The following DST variants were observed in gnomAD, a reference collection of about 807,000 sequenced individuals.
The protein encoded by DST is dystonin, also known as bullous pemphigoid antigen.
DST carries 253 observed loss-of-function variants against 875.2 expected under a neutral mutation model. The observed-to-expected ratio is 0.29, with a 90% CI of 0.26 to 0.32. The LOEUF (loss-of-function observed/expected upper bound fraction) is 0.32. Among genes scored for constraint, DST ranks in the 10% least tolerant of loss-of-function variants. The pLI is 1.00. For missense variants in DST, 8,287 were observed against 9,111.6 expected (o/e 0.91, Z 3.68); for synonymous variants, 3,124 against 3,197.1 (o/e 0.98, Z 0.77).
At position 56,470,232 on chromosome 6, in the gene DST, T is replaced by C; in HGVS notation, c.22372A>G (p.Arg7458Gly). The change falls in exon 96 of 104, where the codon AGA (arginine) becomes GGA (glycine). Residue 7458 changes from arginine to glycine, a missense_variant. Transcript: ENST00000680361. Reference protein sequence around the residue: ...EMSAVADIFDRDGDGYIDYYE... With the variant: ...EMSAVADIFDGDGDGYIDYYE... ...TAGTCAATATATCCATCGCCATCTCTGTCAAAGATGTCTGCAACTGCGCTC... is the reference window on the plus strand; with the variant it reads ...TAGTCAATATATCCATCGCCATCTCCGTCAAAGATGTCTGCAACTGCGCTC... The C allele has an allele frequency of 2.5e-6, 4 of 1,611,310 alleles. No individual in the cohort carries two copies. Among genetic ancestry groups the C allele is most frequent in the Non-Finnish European group, 3.4e-6 (4 of 1,178,580 alleles).
At chr6:56,668,908 AAAGG>A (rs757631335) in intron 10 of DST, among the ~76,000 whole-genome samples, 8 of 152,034 alleles carry the variant, frequency 5.3e-5, no homozygotes, top group Non-Finnish European at 1.2e-4. Context: ...AAGAGAAGTG[AAAGG>A]AAGGAAGAAA....
intron 4 of DST, among the ~76,000 whole-genome samples, chr6:56,822,221 G>A (rs952838551): frequency 3.9e-5 from 6 of 152,034 alleles, no homozygotes; most frequent in African/African-American, 1.4e-4. Context: ...CAGTTTTGGG[G>A]CAATAAACAA....
At chr6:56,572,369 T>C in intron 52 of DST, 103 bp from the exon 53 acceptor site, 1 of 703,310 alleles carries the variant, frequency 1.4e-6, no homozygotes, top group Non-Finnish European at 2.1e-6. Context: ...TATTCATAAT[T>C]TCACATAAGA....
chr6:56,908,697 A>G (rs1903331), intron 2 of DST, among the ~76,000 whole-genome samples: 32,586 of 152,050 alleles, frequency 0.21, 3,781 homozygotes, highest in Middle Eastern at 0.26. Flanking sequence ...ATGAGATAGG[A>G]GGTTGGCACA....
Position 56,605,203 on chromosome 6 carries a change from T to A in DST, c.9425A>T (p.Asp3142Val). ...VQFENLEEIFDTSVSKEISDD... is the reference protein window; with the variant it reads ...VQFENLEEIFVTSVSKEISDD... ...ACTAATCTCTTTGGAAACTGATGTG[T>A]CAAAAATTTCTTCAAGATTCTCAAA... is the stretch of plus-strand genomic sequence containing the variant. The change falls in exon 40 of 104, where the codon GAC becomes GTC. Residue 3142 changes from aspartate to valine, a missense_variant. Physicochemically the swap from Asp to Val is radical, Grantham distance 152. Around this residue, in one of 10 missense-constraint regions of DST, gnomAD observed 3,138 missense variants for 3,116.6 expected, o/e 1.01. Coordinates refer to ENST00000680361, the MANE Select transcript of DST (RefSeq NM_001374736.1). 1 of 1,611,870 alleles carries A rather than the reference T, an allele frequency of 6.2e-7. No individual in the cohort carries two copies. The highest frequency in any genetic ancestry group is 8.5e-7 in the Non-Finnish European group (1 of 1,178,844).
intron 3 of DST, among the ~76,000 whole-genome samples, chr6:56,855,256 AC>A (rs1767284029): frequency 6.6e-6 from 1 of 152,228 alleles, no homozygotes; most frequent in Non-Finnish European, 1.5e-5. Flanking sequence ...TTTTACATAG[AC>A]TAATTAATAT....
chr6:56,660,140 C>G (rs1385511585), intron 10 of DST, among the ~76,000 whole-genome samples: 1 of 152,138 alleles, frequency 6.6e-6, no homozygotes, highest in Non-Finnish European at 1.5e-5. Flanking sequence ...CTGGCCAGAA[C>G]CATTTGAGGC....
At chr6:56,642,531 G>A in intron 15 of DST, 28 bp from the exon 16 acceptor site, 1 of 1,608,540 alleles carries the variant, frequency 6.2e-7, no homozygotes, top group South Asian at 1.1e-5. Flanking sequence ...ATAAAATAAA[G>A]CTTCTCCCTT....
At chr6:56,640,626 G>A (rs377165321) in intron 17 of DST, 21 bp from the exon 18 acceptor site, 1 of 1,586,456 alleles carries the variant, frequency 6.3e-7, no homozygotes, top group South Asian at 1.1e-5. Flanking sequence ...AATCCAAAGG[G>A]ATAAGGTGAA....
chr6:56,506,662 T>G lies in DST; in HGVS notation c.19362+5A>C, dbSNP rs191062687. 1 of 1,613,386 alleles carries G rather than the reference T, an allele frequency of 6.2e-7. No homozygotes were observed. Among genetic ancestry groups the G allele is most frequent in the Non-Finnish European group, 8.5e-7 (1 of 1,179,654 alleles). Reference sequence around the variant, plus strand: ...AAGCCATTCTGATAAGTAAGCCAGTTGTACCTCATCTATACTCTTCTTGAC... The same window carrying G: ...AAGCCATTCTGATAAGTAAGCCAGTGGTACCTCATCTATACTCTTCTTGAC... On this transcript the variant is annotated splice_donor_5th_base_variant and intron_variant, in intron 76 of 103. Transcript: ENST00000680361.
chr6:56,575,807 T>G (rs2097854903), intron 50 of DST, among the ~76,000 whole-genome samples: 1 of 152,144 alleles, frequency 6.6e-6, no homozygotes, highest in South Asian at 2.1e-4. Context: ...GTTCCTGACA[T>G]AGAGCTCCTA....
intron 102 of DST, among the ~76,000 whole-genome samples, chr6:56,462,304 C>T (rs990254056): frequency 5.9e-5 from 9 of 152,038 alleles, no homozygotes; most frequent in African/African-American, 2.2e-4. Context: ...TGTAAATGAC[C>T]TGATACATGA....
In DST at chr6:56,701,986, G is replaced by A. The variant is rs752184436; in HGVS notation, c.877-21C>T. ...CTGGGCTAAGAACAGAAAAATGCAG[G>A]TATGAAAAAGAGTTTCTGTTATCAC... is the stretch of plus-strand genomic sequence containing the variant. On this transcript the variant is annotated intron_variant, in intron 7 of 103. Transcript: ENST00000680361. The A allele has an allele frequency of 1.2e-5, 18 of 1,494,588 alleles. No individual in the cohort carries two copies. In the Admixed American group the frequency reaches 3.1e-4, roughly 26 times the overall value. 92.6% of individuals were successfully genotyped at this position (1,494,588 alleles called of 1,614,324 possible). A position where few individuals can be genotyped will look rare whatever the true frequency, so the allele number is the denominator to read the frequency against.
chr6:56,487,822 G>T (rs116064236), intron 86 of DST, among the ~76,000 whole-genome samples: 1,674 of 152,232 alleles, frequency 0.011, 27 homozygotes, highest in African/African-American at 0.038. Flanking sequence ...TGAGAACAAA[G>T]AAAGGTCAAC....
At chr6:56,618,380 G>GTCATC in intron 36 of DST, 1 of 1,614,136 alleles carries the variant, frequency 6.2e-7, no homozygotes, top group Non-Finnish European at 8.5e-7. Context: ...CTCCTTCACT[G>GTCATC]TCATCTCAAA....
chr6:56,466,049 T>G (rs73747833), intron 99 of DST, 29 bp downstream of exon 99: 1 of 1,524,454 alleles, frequency 6.6e-7, no homozygotes, highest in Non-Finnish European at 9.0e-7. Flanking sequence ...AATACTTTCA[T>G]GATGTTATCA....
chr6:56,693,791 A>G (rs1371995444), intron 9 of DST, among the ~76,000 whole-genome samples: 1 of 152,120 alleles, frequency 6.6e-6, no homozygotes. Context: ...ATTCAAAACA[A>G]GTCATAAAAA....
At chr6:56,808,597 T>C (rs76068376) in intron 4 of DST, among the ~76,000 whole-genome samples, 2,393 of 152,344 alleles carry the variant, frequency 0.016, 68 homozygotes, top group African/African-American at 0.054. Context: ...TAACCCAACA[T>C]TCCTTTAATA....
At chr6:56,631,525 A>G (rs912831777) in intron 29 of DST, 136 bp from the exon 30 acceptor site, 57 of 739,948 alleles carry the variant, frequency 7.7e-5, no homozygotes, top group Non-Finnish European at 3.4e-5. Flanking sequence ...TTTGTTATCA[A>G]AGAAACTACA....
Sources: allele counts gnomAD v4.1 joint callset (sites outside exome capture counted in the v4.1 genomes callset), GRCh38; gene constraint gnomAD v4.1.1; regional missense constraint gnomAD v4.1.1; transcripts MANE v1.5; gene names NCBI Gene and HGNC (gene_info 2026-07-23, HGNC 2026-07-21).